RPS6KC1: variants seen among roughly 807,000 people sequenced by gnomAD.
RPS6KC1 encodes the protein ribosomal protein S6 kinase C1, also known as inactive ribosomal protein S6 kinase delta-1.
Under a neutral mutation model 103.8 loss-of-function variants are expected in RPS6KC1, and 54 were observed. That is an observed-to-expected ratio of 0.52 (90% confidence interval 0.42 to 0.65). The LOEUF (loss-of-function observed/expected upper bound fraction) is 0.65. RPS6KC1 is among the 30% of genes least tolerant of loss of function. The pLI, the probability that RPS6KC1 is intolerant of heterozygous loss-of-function variation, is 0.00. For synonymous variants in RPS6KC1, 439 were observed against 438.7 expected (o/e 1.00, Z -0.01); for missense variants, 1,151 against 1,253.8 (o/e 0.92, Z 1.24).
At chr1:213,313,736 G>A in the RPS6KC1 span, among the ~76,000 whole-genome samples, 4 of 152,144 alleles carry the variant, frequency 2.6e-5, no homozygotes, top group East Asian at 1.9e-4. Flanking sequence ...AGGCCAAGGC[G>A]GGCGGATCAC....
chr1:213,426,339 A>G, the RPS6KC1 span, among the ~76,000 whole-genome samples: 1 of 152,078 alleles, frequency 6.6e-6, no homozygotes, highest in African/African-American at 2.4e-5. Context: ...CTCCTCCTTC[A>G]TAACCTGGGA....
intron 6 of RPS6KC1, among the ~76,000 whole-genome samples, chr1:213,151,680 AGACGCGCCCCTCACCTCCCG>A (rs1355881161): frequency 1.2e-5 from 1 of 86,274 alleles, no homozygotes; most frequent in Non-Finnish European, 2.3e-5. Context: ...GCGGCCGGGC[AGACGCGCCCCTCACCTCCCG>A]GACGGGGCGG....
chr1:213,356,421 C>T, the RPS6KC1 span, among the ~76,000 whole-genome samples: 3 of 151,788 alleles, frequency 2.0e-5, no homozygotes, highest in Non-Finnish European at 4.4e-5. Flanking sequence ...TTTGGGAGGC[C>T]GAGGCAGCAG....
chr1:213,830,596 G>A, the RPS6KC1 span, among the ~76,000 whole-genome samples: 1,189 of 151,088 alleles, frequency 7.9e-3, 17 homozygotes, highest in African/African-American at 0.028. Context: ...CACCTTCAAC[G>A]GCCATGGTGA....
chr1:213,130,100 A>C (rs1464476599), intron 6 of RPS6KC1, among the ~76,000 whole-genome samples: 2 of 152,180 alleles, frequency 1.3e-5, no homozygotes, highest in East Asian at 1.9e-4. Flanking sequence ...ACTTTTAATC[A>C]ATTAATCCAC....
chr1:213,113,406 G>T (rs1421589360), intron 4 of RPS6KC1, among the ~76,000 whole-genome samples: 1 of 151,864 alleles, frequency 6.6e-6, no homozygotes, highest in Non-Finnish European at 1.5e-5. Flanking sequence ...TTTTTGATGG[G>T]GTTGTTTTTT....
the RPS6KC1 span, among the ~76,000 whole-genome samples, chr1:213,721,822 C>G: frequency 6.6e-6 from 1 of 152,120 alleles, no homozygotes; most frequent in African/African-American, 2.4e-5. Flanking sequence ...AATTCTCAAT[C>G]TCTCTCTTTT....
At chr1:213,814,772 C>G in the RPS6KC1 span, among the ~76,000 whole-genome samples, 2 of 152,168 alleles carry the variant, frequency 1.3e-5, no homozygotes, top group African/African-American at 4.8e-5. Context: ...GAAGGCACAG[C>G]AAGGCTGAGT....
At chr1:213,638,527 T>G in the RPS6KC1 span, among the ~76,000 whole-genome samples, 1 of 151,876 alleles carries the variant, frequency 6.6e-6, no homozygotes, top group South Asian at 2.1e-4. Flanking sequence ...ACATTTTATA[T>G]AAGGTTTGAG....
the RPS6KC1 span, among the ~76,000 whole-genome samples, chr1:213,655,154 T>C: frequency 4.6e-5 from 7 of 152,232 alleles, no homozygotes; most frequent in African/African-American, 7.2e-5. Context: ...GTGATTTTCG[T>C]GCCTCAGCCT....
intron 1 of RPS6KC1, among the ~76,000 whole-genome samples, chr1:213,052,111 G>T (rs1033449465): frequency 6.6e-6 from 1 of 152,112 alleles, no homozygotes; most frequent in African/African-American, 2.4e-5. Flanking sequence ...TTTTAAAGTT[G>T]GGAGGCTCCT....
At chr1:213,407,469 T>C in the RPS6KC1 span, among the ~76,000 whole-genome samples, 1 of 152,104 alleles carries the variant, frequency 6.6e-6, no homozygotes, top group African/African-American at 2.4e-5. Context: ...CAACCACAAT[T>C]TGGAAGGGGC....
At chr1:213,657,276 G>C in the RPS6KC1 span, among the ~76,000 whole-genome samples, 1 of 152,080 alleles carries the variant, frequency 6.6e-6, no homozygotes, top group East Asian at 1.9e-4. Flanking sequence ...AGATAAGGAA[G>C]GCAAAGGTAG....
the RPS6KC1 span, among the ~76,000 whole-genome samples, chr1:213,409,206 A>G: frequency 1.3e-5 from 2 of 152,056 alleles, no homozygotes; most frequent in African/African-American, 4.8e-5. Flanking sequence ...AACCAAGTGC[A>G]AAGTATTAGG....
chr1:213,440,374 A>C, the RPS6KC1 span, among the ~76,000 whole-genome samples: 1 of 152,180 alleles, frequency 6.6e-6, no homozygotes, highest in Non-Finnish European at 1.5e-5. Flanking sequence ...GGATGTGAAG[A>C]CTTCTTTCTC....
chr1:213,784,285 A>G, the RPS6KC1 span, among the ~76,000 whole-genome samples: 2 of 152,220 alleles, frequency 1.3e-5, no homozygotes, highest in Admixed American at 6.5e-5. Context: ...AACTGTGTTC[A>G]TGGAAGCTGG....
chr1:213,074,360 T>G (rs2079121042), intron 2 of RPS6KC1, among the ~76,000 whole-genome samples: 3 of 152,230 alleles, frequency 2.0e-5, no homozygotes, highest in Non-Finnish European at 1.5e-5. Context: ...TATGGAGACT[T>G]GGTTCAATAA....
Position 213,240,803 on chromosome 1 carries a change from C to CTGCAGCA in RPS6KC1, c.1328_1334dup (p.Gln445HisfsTer7). On this transcript the variant is annotated frameshift_variant, in exon 11 of 15. Coordinates refer to ENST00000366960, the MANE Select transcript of RPS6KC1 (RefSeq NM_012424.6). LOFTEE classifies it high-confidence loss of function. ...AAAACCTACACTTGCAAAAGTTCAC[C>CTGCAGCA]TGCAGCAGCCAACTTCTAGTCCTCA... The CTGCAGCA allele has an allele frequency of 6.2e-7, 1 of 1,613,858 alleles. No homozygotes were observed. Among genetic ancestry groups the CTGCAGCA allele is most frequent in the Middle Eastern group, 1.7e-4 (1 of 6,058 alleles).
At chr1:213,081,977 GT>G (rs1195608098) in intron 3 of RPS6KC1, among the ~76,000 whole-genome samples, 17 of 152,250 alleles carry the variant, frequency 1.1e-4, no homozygotes, top group African/African-American at 3.9e-4. Context: ...GATAGTAAAT[GT>G]TTCTTGTAAG....
Sources: allele counts gnomAD v4.1 joint callset (sites outside exome capture counted in the v4.1 genomes callset), GRCh38; gene constraint gnomAD v4.1.1; transcripts MANE v1.5; gene names NCBI Gene and HGNC (gene_info 2026-07-23, HGNC 2026-07-21).